The following NECTIN1 variants were observed in gnomAD, a reference collection of about 807,000 sequenced individuals.
NECTIN1 encodes nectin-1.
Under a neutral mutation model 48.0 loss-of-function variants are expected in NECTIN1, and 23 were observed. That is an observed-to-expected ratio of 0.48 (90% CI 0.34 to 0.68). The LOEUF (loss-of-function observed/expected upper bound fraction) is 0.68, where lower values mean the gene tolerates loss of function less well. Among genes scored for constraint, NECTIN1 ranks in the 30% least tolerant of loss-of-function variants. The pLI, the probability that NECTIN1 is intolerant of heterozygous loss-of-function variation, is 0.01. For synonymous variants in NECTIN1, 270 were observed against 288.9 expected, an observed-to-expected ratio of 0.93 and a Z score of 0.66; for missense variants, 591 against 709.9, an observed-to-expected ratio of 0.83 and a Z score of 1.90.
Position 119,663,610 on chromosome 11 carries a change from C to T in NECTIN1, c.*1137G>A. ...CTTCTGCCATGTGGGCTTCCTTCCC[C>T]ACTACCCTCCGTGTGGATGCTTCTT... On this transcript the variant is annotated 3_prime_UTR_variant, in exon 6 of 6. Transcript: ENST00000264025. 1.0e-6 allele frequency: 1 copy of T among 985,686 alleles called. No homozygotes were observed. Among genetic ancestry groups the T allele is most frequent in the Non-Finnish European group, 1.2e-6 (1 of 829,996 alleles). 61.1% of individuals were successfully genotyped at this position (985,686 alleles called of 1,614,324 possible).
At chr11:119,650,540 T>C in intron 5 of NECTIN1, among the ~76,000 whole-genome samples, 1 of 152,246 alleles carries the variant, frequency 6.6e-6, no homozygotes, top group Non-Finnish European at 1.5e-5. Context: ...TGGGATCCCC[T>C]GTGGAGTTAG....
chr11:119,664,471 C>T lies in NECTIN1; in HGVS notation c.*276G>A. Reference sequence around the variant, plus strand: ...AGAACAGGGCTCCCTACACAGAGGGCAGGCAGGTGGGGCCCGTAAAGGGAA... The same window carrying T: ...AGAACAGGGCTCCCTACACAGAGGGTAGGCAGGTGGGGCCCGTAAAGGGAA... On this transcript the variant is annotated 3_prime_UTR_variant, in exon 6 of 6. Coordinates refer to ENST00000264025, the MANE Select transcript of NECTIN1 (RefSeq NM_002855.5). 6 of 1,303,050 alleles carry T rather than the reference C, an allele frequency of 4.6e-6. No homozygotes were observed. The highest frequency in any genetic ancestry group is 2.9e-4 in the Middle Eastern group (1 of 3,420). 80.7% of individuals were successfully genotyped at this position (1,303,050 alleles called of 1,614,324 possible). A position where few individuals can be genotyped will look rare whatever the true frequency, so the allele number is the denominator to read the frequency against.
chr11:119,710,736 G>GAGAGGAGTTTGAAGTGT (rs1865628814), intron 1 of NECTIN1, among the ~76,000 whole-genome samples: 1 of 152,150 alleles, frequency 6.6e-6, no homozygotes, highest in Non-Finnish European at 1.5e-5. Context: ...AGCCCAGTGT[G>GAGAGGAGTTTGAAGTGT]AGAGGAGTTT....
intron 1 of NECTIN1, among the ~76,000 whole-genome samples, chr11:119,707,466 C>T (rs1178857444): frequency 6.6e-6 from 1 of 152,098 alleles, no homozygotes; most frequent in Non-Finnish European, 1.5e-5. Flanking sequence ...CACCCCATCT[C>T]TCATGCTAGT....
intron 4 of NECTIN1, among the ~76,000 whole-genome samples, chr11:119,676,258 C>CA (rs1417577303): frequency 6.6e-6 from 1 of 152,204 alleles, no homozygotes; most frequent in Non-Finnish European, 1.5e-5. Context: ...TCAAAGGCCA[C>CA]AAAGCTATTC....
intron 5 of NECTIN1, chr11:119,640,750 G>C (rs949951954): frequency 4.6e-5 from 7 of 152,276 alleles, no homozygotes; most frequent in Non-Finnish European, 8.8e-5. Context: ...CAGCGATCCA[G>C]GCTTGGCTGT....
Position 119,674,787 on chromosome 11 carries a change from TGGA to T in NECTIN1, c.1003+369_1003+371del, listed in dbSNP as rs1864920088. ...GGTCCTTGACCACAGGTGCAGAGCT[TGGA>T]GGAGATGAGCTCCACCTGCAAACCT... On this transcript the variant is annotated intron_variant, in intron 5 of 5. Coordinates refer to ENST00000264025, the MANE Select transcript of NECTIN1 (RefSeq NM_002855.5). 7 of 1,439,846 alleles carry T rather than the reference TGGA, an allele frequency of 4.9e-6. No individual in the cohort carries two copies. In the Admixed American group the frequency reaches 5.1e-5, roughly 11 times the overall value. 89.2% of individuals were successfully genotyped at this position (1,439,846 alleles called of 1,614,324 possible). A position where few individuals can be genotyped will look rare whatever the true frequency, so the allele number is the denominator to read the frequency against.
At position 119,714,924 on chromosome 11, in the gene NECTIN1, C is replaced by T. The variant is rs1463525947; in HGVS notation, c.79+13551G>A. ...TGTTACTGGGGATCTGAGGGGAGCA[C>T]CTGAGATGGTGAGGTGTGTGAGACT... On this transcript the variant is annotated intron_variant, in intron 1 of 5. Transcript: ENST00000264025. 2.0e-5 allele frequency among the ~76,000 whole-genome samples: 3 copies of T among 152,018 alleles called. No homozygotes were observed. The East Asian group carries it at 5.8e-4, about 29-fold the overall frequency.
At chr11:119,649,100 G>A (rs1176437263) in intron 5 of NECTIN1, among the ~76,000 whole-genome samples, 2 of 152,226 alleles carry the variant, frequency 1.3e-5, no homozygotes, top group South Asian at 2.1e-4. Flanking sequence ...CAGGCTCCAG[G>A]CCGGGCACGG....
At chr11:119,690,826 G>C (rs1865240257) in intron 1 of NECTIN1, among the ~76,000 whole-genome samples, 1 of 151,828 alleles carries the variant, frequency 6.6e-6, no homozygotes, top group African/African-American at 2.4e-5. Flanking sequence ...GACAGGGGCA[G>C]GGACTCTGAG....
At chr11:119,713,362 AAGG>A in intron 1 of NECTIN1, among the ~76,000 whole-genome samples, 1 of 152,174 alleles carries the variant, frequency 6.6e-6, no homozygotes, top group South Asian at 2.1e-4. Flanking sequence ...TGTGGGGTGG[AAGG>A]AGAAGCTGAA....
At chr11:119,724,280 C>T (rs900218504) in intron 1 of NECTIN1, among the ~76,000 whole-genome samples, 8 of 152,170 alleles carry the variant, frequency 5.3e-5, no homozygotes, top group South Asian at 2.1e-4. Context: ...CATGAGAACT[C>T]GTGGGGCAGG....
Position 119,677,045 on chromosome 11 carries a change from C to A in NECTIN1, c.851+57G>T, listed in dbSNP as rs1393604945. The stretch of plus-strand genomic sequence containing the variant: ...TGGAGGTAGGATGGTTGCCCCTCAT[C>A]ACCCGTGGTCCAGTCAGCTGTCTTC... On this transcript the variant is annotated intron_variant, in intron 4 of 5. Transcript: ENST00000264025. This position sits in a 1 kb window ranked among gnomAD's most constrained non-coding sequence, Gnocchi z 5.4. The A allele has an allele frequency of 3.4e-6, 5 of 1,462,490 alleles. No individual in the cohort carries two copies. Among genetic ancestry groups the A allele is most frequent in the Non-Finnish European group, 4.8e-6 (5 of 1,042,186 alleles). 90.6% of individuals were successfully genotyped at this position (1,462,490 alleles called of 1,614,324 possible). A position where few individuals can be genotyped will look rare whatever the true frequency, so the allele number is the denominator to read the frequency against.
At chr11:119,638,296 T>A (rs1331087741) in intron 7 of NECTIN1, 1 of 1,610,132 alleles carries the variant, frequency 6.2e-7, no homozygotes, top group Admixed American at 1.7e-5. Context: ...ATGCCCCTGC[T>A]CCAGGTGGCC....
chr11:119,712,687 T>C (rs1209134928), intron 1 of NECTIN1, among the ~76,000 whole-genome samples: 1 of 152,122 alleles, frequency 6.6e-6, no homozygotes, highest in Admixed American at 6.5e-5. Context: ...GGCGCAATCT[T>C]GCAAAAGGGA....
At chr11:119,693,903 C>T (rs566019564) in intron 1 of NECTIN1, among the ~76,000 whole-genome samples, 17 of 152,292 alleles carry the variant, frequency 1.1e-4, no homozygotes, top group African/African-American at 3.8e-4. Context: ...CATTTTCACC[C>T]TAGCTAATGA....
At position 119,673,047 on chromosome 11, in the gene NECTIN1, C is replaced by T. The variant is rs748750477; in HGVS notation, c.1003+2112G>A. Among the ~76,000 whole-genome samples the T allele has an allele frequency of 4.6e-5, 7 of 152,228 alleles. No homozygotes were observed. Among genetic ancestry groups the T allele is most frequent in the Admixed American group, 2.0e-4 (3 of 15,286 alleles). ...ATGCCCAGAATGAAAAATTAAATTT[C>T]CACTTATCCCTCTCGCTCATGCATT... is the stretch of plus-strand genomic sequence containing the variant. On this transcript the variant is annotated intron_variant, in intron 5 of 5. Coordinates refer to ENST00000264025, the MANE Select transcript of NECTIN1 (RefSeq NM_002855.5). The surrounding 1 kb of genome is among the most constrained non-coding windows in gnomAD (Gnocchi z 5.8).
rs550059893 is a variant in NECTIN1 at position 119,717,734 on chromosome 11, A to G, written c.79+10741T>C. Reference sequence around the variant, plus strand: ...CCAGAGGGCAGAGGAGAGGGACATAAAAGTGGCTAAGCTTGGGAGCCCGGC... The same window carrying G: ...CCAGAGGGCAGAGGAGAGGGACATAGAAGTGGCTAAGCTTGGGAGCCCGGC... On this transcript the variant is annotated intron_variant, in intron 1 of 5. Transcript: ENST00000264025. Among the ~76,000 whole-genome samples, 22 of 152,314 alleles carry G rather than the reference A, an allele frequency of 1.4e-4. No individual in the cohort carries two copies. The South Asian group carries it at 4.6e-3, about 32-fold the overall frequency.
chr11:119,645,118 G>A (rs1033690250), intron 5 of NECTIN1, among the ~76,000 whole-genome samples: 2 of 152,098 alleles, frequency 1.3e-5, no homozygotes, highest in Admixed American at 6.5e-5. Context: ...AGGTGTTTGC[G>A]GGGAGCCAGG....
Sources: gnomAD v4.1 joint callset for allele counts (sites outside exome capture counted in the v4.1 genomes callset) on GRCh38, gnomAD v4.1.1 for gene constraint, Gnocchi (gnomAD v3.1) non-coding constraint, MANE v1.5 for transcripts, NCBI Gene and HGNC (gene_info 2026-07-23, HGNC 2026-07-21) for gene names.